EPHA6: variants seen among roughly 807,000 people sequenced by gnomAD.
EPHA6 encodes the protein ephrin type-A receptor 6.
In EPHA6, 50 loss-of-function variants were observed where a neutral mutation model predicts 112.0. That is an observed-to-expected ratio of 0.45 (90% CI 0.36 to 0.56). The LOEUF is 0.56. EPHA6 is among the 20% of genes least tolerant of loss of function. EPHA6 has a pLI of 0.00. For missense variants in EPHA6, 1,280 were observed against 1,417.4 expected (o/e 0.90, Z 1.56); for synonymous variants, 529 against 490.7 (o/e 1.08, Z -1.03).
intron 14 of EPHA6, chr3:97,646,345 A>G (rs910711516): frequency 2.8e-6 from 4 of 1,410,810 alleles, no homozygotes; most frequent in East Asian, 2.5e-5. Context: ...AAAATCCTAT[A>G]CATGTAATAT....
At chr3:97,409,876 G>A (rs915553781) in intron 6 of EPHA6, among the ~76,000 whole-genome samples, 1 of 152,022 alleles carries the variant, frequency 6.6e-6, no homozygotes, top group African/African-American at 2.4e-5. Context: ...ATATCCAGAT[G>A]TTCAATAATT....
At chr3:97,208,723 G>T (rs143306584) in intron 3 of EPHA6, among the ~76,000 whole-genome samples, 1 of 151,788 alleles carries the variant, frequency 6.6e-6, no homozygotes, top group African/African-American at 2.4e-5. Context: ...CTCCAGCCTG[G>T]GTGACAGAGC....
chr3:96,861,771 C>T (rs372891841), intron 1 of EPHA6, among the ~76,000 whole-genome samples: 1 of 151,968 alleles, frequency 6.6e-6, no homozygotes, highest in African/African-American at 2.4e-5. Flanking sequence ...TGTAAGTACA[C>T]CTACTAAACA....
intron 10 of EPHA6, among the ~76,000 whole-genome samples, chr3:97,508,464 G>T (rs1045511143): frequency 6.6e-6 from 1 of 152,160 alleles, no homozygotes; most frequent in African/African-American, 2.4e-5. Flanking sequence ...CCATGTAGTT[G>T]TGCAGTTTTG....
rs371434960 is a variant in EPHA6, at chr3:97,519,912, T to A, written c.2201-12446T>A. ...GGTTGGGGTATTTTTGGATATAAGA[T>A]TATATCATATGCAAAAAGAGACAAT... On this transcript the variant is annotated intron_variant, in intron 10 of 17. Coordinates refer to ENST00000389672, the MANE Select transcript of EPHA6 (RefSeq NM_001080448.3). Among the ~76,000 whole-genome samples, 15 of 152,178 alleles carry A rather than the reference T, an allele frequency of 9.9e-5. No homozygotes were observed. The East Asian group carries it at 2.5e-3, about 25-fold the overall frequency.
At chr3:97,031,763 T>A (rs1258840261) in intron 3 of EPHA6, among the ~76,000 whole-genome samples, 2 of 151,572 alleles carry the variant, frequency 1.3e-5, no homozygotes, top group Non-Finnish European at 2.9e-5. Flanking sequence ...TCTCACACCA[T>A]TTAGAATGGC....
At chr3:97,580,650 C>A (rs2093429054) in intron 11 of EPHA6, among the ~76,000 whole-genome samples, 1 of 152,152 alleles carries the variant, frequency 6.6e-6, no homozygotes, top group African/African-American at 2.4e-5. Flanking sequence ...TTATTCCAGG[C>A]AGTCTCAACA....
At chr3:97,208,193 C>T (rs936782821) in intron 3 of EPHA6, among the ~76,000 whole-genome samples, 2 of 152,060 alleles carry the variant, frequency 1.3e-5, no homozygotes, top group African/African-American at 2.4e-5. Flanking sequence ...CATGCTGAAT[C>T]GATATAGGTA....
chr3:97,498,803 C>G lies in EPHA6; in HGVS notation c.2200+14744C>G, dbSNP rs112471442. The stretch of plus-strand genomic sequence containing the variant: ...TAGGTTGCGTGCTCCTTATGAGAAT[C>G]TAATGCCTGATGATCTGAAATAGAA... On this transcript the variant is annotated intron_variant, in intron 10 of 17. Transcript: ENST00000389672. Among the ~76,000 whole-genome samples, 760 of 152,256 alleles carry G rather than the reference C, an allele frequency of 5.0e-3. 8 individuals carry two copies. Among genetic ancestry groups the G allele is most frequent in the African/African-American group, 0.018 (728 of 41,554 alleles).
rs146977770 is a variant in EPHA6 at position 97,094,172 on chromosome 3, A to C, written c.1114+106179A>C. Among the ~76,000 whole-genome samples, 76 of 152,248 alleles carry C rather than the reference A, an allele frequency of 5.0e-4. 1 individual carries two copies. The East Asian group carries it at 9.7e-3, about 19-fold the overall frequency. ...ATTCCCTGTTCTGAAATATATAGTT[A>C]CTGTTAACATGTGTTATGTTGATTA... On this transcript the variant is annotated intron_variant, in intron 3 of 17. Coordinates refer to ENST00000389672, the MANE Select transcript of EPHA6 (RefSeq NM_001080448.3).
At chr3:97,610,072 A>G (rs1445081478) in intron 12 of EPHA6, among the ~76,000 whole-genome samples, 1 of 151,544 alleles carries the variant, frequency 6.6e-6, no homozygotes, top group Non-Finnish European at 1.5e-5. Flanking sequence ...ATATGATAAA[A>G]AAGGAAAGAA....
intron 5 of EPHA6, among the ~76,000 whole-genome samples, chr3:97,380,895 A>G (rs1365075103): frequency 1.3e-5 from 2 of 152,164 alleles, no homozygotes; most frequent in Admixed American, 6.6e-5. Context: ...AGCATTATCT[A>G]TAATGTATTA....
chr3:97,492,387 C>T (rs1048661546), intron 10 of EPHA6, among the ~76,000 whole-genome samples: 5 of 150,528 alleles, frequency 3.3e-5, no homozygotes, highest in African/African-American at 1.2e-4. Flanking sequence ...TACTAAAATA[C>T]AAAAATTAGC....
chr3:97,572,023 A>G (rs1216509535), intron 11 of EPHA6, among the ~76,000 whole-genome samples: 2 of 151,986 alleles, frequency 1.3e-5, no homozygotes, highest in Non-Finnish European at 2.9e-5. Context: ...TCAGCATTCT[A>G]TGTATATAAT....
At chr3:97,516,376 A>C (rs2107605811) in intron 10 of EPHA6, among the ~76,000 whole-genome samples, 1 of 152,316 alleles carries the variant, frequency 6.6e-6, no homozygotes, top group African/African-American at 2.4e-5. Flanking sequence ...CTCTCTGTGA[A>C]GTTGAATCAG....
At chr3:96,937,630 T>C (rs1264646946) in intron 2 of EPHA6, among the ~76,000 whole-genome samples, 2 of 152,228 alleles carry the variant, frequency 1.3e-5, no homozygotes, top group Non-Finnish European at 2.9e-5. Flanking sequence ...TTTTTGTCAA[T>C]TTTGACTTTT....
At chr3:97,085,927 T>TTG (rs1559718504) in intron 3 of EPHA6, among the ~76,000 whole-genome samples, 3 of 103,960 alleles carry the variant, frequency 2.9e-5, no homozygotes, top group African/African-American at 2.8e-4. Context: ...ATATATGATG[T>TTG]CATATATATA....
chr3:97,537,178 TC>T (rs2107661673), intron 11 of EPHA6, among the ~76,000 whole-genome samples: 1 of 152,310 alleles, frequency 6.6e-6, no homozygotes, highest in South Asian at 2.1e-4. Context: ...GTAAGTAAAA[TC>T]AAGGTTGGGA....
chr3:96,921,034 A>C (rs975859361), intron 2 of EPHA6, among the ~76,000 whole-genome samples: 3 of 152,064 alleles, frequency 2.0e-5, no homozygotes, highest in African/African-American at 7.2e-5. Flanking sequence ...ATTCTCATGC[A>C]GATATCTAAT....
Sources: allele counts gnomAD v4.1 joint callset (sites outside exome capture counted in the v4.1 genomes callset), GRCh38; gene constraint gnomAD v4.1.1; transcripts MANE v1.5; gene names NCBI Gene and HGNC (gene_info 2026-07-23, HGNC 2026-07-21).